Variants in GALNT13 observed in about 807,000 individuals in gnomAD.
GALNT13 encodes the protein UDP-GalNAc:polypeptide N-acetylgalactosaminyltransferase 13.
Under a neutral mutation model 64.2 loss-of-function variants are expected in GALNT13, and 28 were observed. The ratio of observed to expected loss-of-function variants is 0.44; its 90% CI spans 0.32 to 0.60. The LOEUF (loss-of-function observed/expected upper bound fraction) is 0.60. GALNT13 is among the 20% of genes least tolerant of loss of function. GALNT13 has a pLI of 0.05. For synonymous variants in GALNT13, 214 were observed against 224.6 expected, an observed-to-expected ratio of 0.95 and a Z score of 0.42; for missense variants, 577 against 669.8, an observed-to-expected ratio of 0.86 and a Z score of 1.53.
At chr2:153,926,432 A>G (rs962775571) in intron 2 of GALNT13, 1 of 152,118 alleles carries the variant, frequency 6.6e-6, no homozygotes, top group African/African-American at 2.4e-5. Context: ...CACATATACA[A>G]CTAGAAAGAG....
At chr2:153,776,635 C>A in the GALNT13 span, among the ~76,000 whole-genome samples, 2 of 152,168 alleles carry the variant, frequency 1.3e-5, no homozygotes, top group Non-Finnish European at 2.9e-5. Flanking sequence ...GATTTTTGAA[C>A]TAACTACCTA....
At chr2:153,665,689 C>T in the GALNT13 span, among the ~76,000 whole-genome samples, 1 of 152,096 alleles carries the variant, frequency 6.6e-6, no homozygotes, top group Non-Finnish European at 1.5e-5. Context: ...ATGGGGTTGC[C>T]AAGCACTGGG....
intron 8 of GALNT13, among the ~76,000 whole-genome samples, chr2:154,272,104 A>G (rs565545821): frequency 3.3e-5 from 5 of 152,118 alleles, no homozygotes; most frequent in South Asian, 2.1e-4. Flanking sequence ...GAAGTGAATG[A>G]TATTTTATAG....
At chr2:154,306,617 G>GT (rs974492776) in intron 9 of GALNT13, among the ~76,000 whole-genome samples, 1 of 91,316 alleles carries the variant, frequency 1.1e-5, no homozygotes, top group African/African-American at 4.1e-5. Context: ...GGATAATTTG[G>GT]TGGGGGGGGG....
chr2:154,097,108 G>A (rs976087896), intron 3 of GALNT13, among the ~76,000 whole-genome samples: 4 of 151,938 alleles, frequency 2.6e-5, no homozygotes, highest in Non-Finnish European at 4.4e-5. Context: ...TTTTATAGAG[G>A]ATTTGCCATA....
At chr2:153,112,517 A>G in the GALNT13 span, among the ~76,000 whole-genome samples, 1 of 152,074 alleles carries the variant, frequency 6.6e-6, no homozygotes, top group African/African-American at 2.4e-5. Context: ...TCTCAATTCC[A>G]TATTCAAGTG....
intron 4 of GALNT13, among the ~76,000 whole-genome samples, chr2:154,147,972 G>A (rs899072246): frequency 9.9e-5 from 15 of 151,214 alleles, no homozygotes; most frequent in Non-Finnish European, 1.9e-4. Flanking sequence ...CAATGTGCAG[G>A]TTAGTTACAT....
chr2:153,378,293 TAGA>T, the GALNT13 span, among the ~76,000 whole-genome samples: 1 of 149,246 alleles, frequency 6.7e-6, no homozygotes, highest in East Asian at 1.9e-4. Context: ...GATAGATAGA[TAGA>T]TAGATAGATA....
chr2:153,739,241 G>A, the GALNT13 span, among the ~76,000 whole-genome samples: 1 of 151,738 alleles, frequency 6.6e-6, no homozygotes, highest in East Asian at 1.9e-4. Context: ...CCTCTATAGA[G>A]ACAGATTACT....
the GALNT13 span, among the ~76,000 whole-genome samples, chr2:153,837,135 G>T: frequency 2.6e-5 from 4 of 151,334 alleles, no homozygotes; most frequent in Admixed American, 6.6e-5. Flanking sequence ...CAGTGTAAAA[G>T]TGTTCCTATT....
the GALNT13 span, among the ~76,000 whole-genome samples, chr2:153,071,962 T>C: frequency 6.6e-6 from 1 of 152,214 alleles, no homozygotes; most frequent in Non-Finnish European, 1.5e-5. Flanking sequence ...TTCAATTCAT[T>C]GCACCTTGTT....
rs1021048074 is a variant in GALNT13 at position 154,338,083 on chromosome 2, C to A, written c.1156+36494C>A. Among the ~76,000 whole-genome samples, 4 of 152,042 alleles carry A rather than the reference C, an allele frequency of 2.6e-5. No homozygotes were observed. The East Asian group carries it at 7.8e-4, about 29-fold the overall frequency. On this transcript the variant is annotated intron_variant, in intron 9 of 12. Transcript: ENST00000392825. ...TGCTGTGTGCCCTGAGTACCTTGTC[C>A]CCCTGGCCTCTAGACTCTGATTTAG... is the stretch of plus-strand genomic sequence containing the variant.
At chr2:153,901,249 G>T (rs1290233568) in intron 2 of GALNT13, among the ~76,000 whole-genome samples, 1 of 152,146 alleles carries the variant, frequency 6.6e-6, no homozygotes, top group African/African-American at 2.4e-5. Context: ...ATAGTTTGAA[G>T]TCGGGTAATG....
intron 9 of GALNT13, among the ~76,000 whole-genome samples, chr2:154,356,558 A>G (rs1041498833): frequency 1.3e-5 from 2 of 152,020 alleles, no homozygotes; most frequent in Admixed American, 1.3e-4. Flanking sequence ...TATCATTTAC[A>G]CTAAATTATT....
At chr2:154,219,185 CATTT>C (rs1396463300) in intron 4 of GALNT13, among the ~76,000 whole-genome samples, 3 of 152,030 alleles carry the variant, frequency 2.0e-5, no homozygotes, top group African/African-American at 7.2e-5. Flanking sequence ...TATTAGCTAA[CATTT>C]ATTGAGTACT....
At chr2:153,240,552 G>T in the GALNT13 span, among the ~76,000 whole-genome samples, 1 of 152,122 alleles carries the variant, frequency 6.6e-6, no homozygotes, top group African/African-American at 2.4e-5. Context: ...GATACTGTCT[G>T]TACTGGCAAG....
At chr2:153,963,528 C>G (rs1356965756) in intron 3 of GALNT13, among the ~76,000 whole-genome samples, 1 of 152,128 alleles carries the variant, frequency 6.6e-6, no homozygotes, top group African/African-American at 2.4e-5. Context: ...AGACTATTTT[C>G]TATTCCCATC....
the GALNT13 span, among the ~76,000 whole-genome samples, chr2:153,314,586 A>G: frequency 1.3e-5 from 2 of 152,150 alleles, no homozygotes; most frequent in Non-Finnish European, 2.9e-5. Flanking sequence ...TACAGAGTAT[A>G]TTTTCTAATA....
At chr2:153,849,820 G>C in the GALNT13 span, among the ~76,000 whole-genome samples, 3 of 151,930 alleles carry the variant, frequency 2.0e-5, no homozygotes, top group South Asian at 4.2e-4. Flanking sequence ...GGTGAGTTAC[G>C]TATGAGCATA....
Sources: gnomAD v4.1 joint callset for allele counts (sites outside exome capture counted in the v4.1 genomes callset) on GRCh38, gnomAD v4.1.1 for gene constraint, MANE v1.5 for transcripts, NCBI Gene and HGNC (gene_info 2026-07-23, HGNC 2026-07-21) for gene names.